The following FKBP9 variants were observed in gnomAD, a reference collection of about 807,000 sequenced individuals.
The protein encoded by FKBP9 is peptidyl-prolyl cis-trans isomerase FKBP9.
FKBP9 carries 27 observed loss-of-function variants against 55.6 expected under a neutral mutation model. That is an observed-to-expected ratio of 0.49 (90% CI 0.36 to 0.67). The LOEUF (loss-of-function observed/expected upper bound fraction) is 0.67, where lower values mean the gene tolerates loss of function less well. FKBP9 is among the 30% of genes least tolerant of loss of function. The probability of loss-of-function intolerance (pLI) is 0.00; values close to 1 mark genes in which losing one functional copy is unlikely to be tolerated. For synonymous variants in FKBP9, 267 were observed against 296.5 expected, an observed-to-expected ratio of 0.90 and a Z score of 1.02; for missense variants, 539 against 742.8, an observed-to-expected ratio of 0.73 and a Z score of 3.19.
chr7:32,967,785 G>A (rs28870806), intron 1 of FKBP9, among the ~76,000 whole-genome samples: 7,104 of 152,050 alleles, frequency 0.047, 395 homozygotes, highest in East Asian at 0.19. Flanking sequence ...ACAGAGTTTC[G>A]CTCTTATTGC....
At chr7:33,001,504 C>T (rs1445791748) in intron 8 of FKBP9, among the ~76,000 whole-genome samples, 1 of 150,814 alleles carries the variant, frequency 6.6e-6, no homozygotes, top group Non-Finnish European at 1.5e-5. Flanking sequence ...CACTGTACTG[C>T]AGCCTGGCGA....
intron 6 of FKBP9, among the ~76,000 whole-genome samples, chr7:32,994,830 C>G (rs1480735436): frequency 6.6e-6 from 1 of 151,920 alleles, no homozygotes; most frequent in Non-Finnish European, 1.5e-5. Flanking sequence ...AGAGACCAAT[C>G]AAGAAGCAGA....
intron 6 of FKBP9, among the ~76,000 whole-genome samples, chr7:32,990,468 A>G (rs1487650879): frequency 6.6e-6 from 1 of 152,184 alleles, no homozygotes; most frequent in Non-Finnish European, 1.5e-5. Flanking sequence ...TTAAGCCAAC[A>G]AGTTTGTGGT....
At chr7:32,978,183 A>G (rs1254599326) in intron 4 of FKBP9, among the ~76,000 whole-genome samples, 1 of 151,724 alleles carries the variant, frequency 6.6e-6, no homozygotes, top group Non-Finnish European at 1.5e-5. Flanking sequence ...CGGCCTCCCA[A>G]AGTGCTGGGA....
chr7:32,972,668 T>C (rs1229704940), intron 1 of FKBP9, among the ~76,000 whole-genome samples: 2 of 152,176 alleles, frequency 1.3e-5, no homozygotes, highest in Non-Finnish European at 2.9e-5. Flanking sequence ...TTCATATGCA[T>C]CTATATATGT....
chr7:32,985,252 T>G (rs1784553633), intron 5 of FKBP9, among the ~76,000 whole-genome samples: 1 of 151,438 alleles, frequency 6.6e-6, no homozygotes, highest in Non-Finnish European at 1.5e-5. Context: ...CTCGGCTCAC[T>G]GCAACCTCTG....
intron 1 of FKBP9, among the ~76,000 whole-genome samples, chr7:32,968,602 C>T (rs1423899102): frequency 6.9e-5 from 10 of 144,768 alleles, no homozygotes; most frequent in African/African-American, 2.6e-4. Flanking sequence ...GACAGAGTTT[C>T]ACTTTTGTCG....
intron 6 of FKBP9, among the ~76,000 whole-genome samples, chr7:32,991,216 A>G (rs1436363388): frequency 1.3e-5 from 2 of 152,260 alleles, no homozygotes; most frequent in East Asian, 3.9e-4. Flanking sequence ...TTGGCTTTCT[A>G]TCAAGTATGA....
rs544841449 is a variant in FKBP9 at position 32,975,477 on chromosome 7, C to T, written c.557+106C>T. ...TGATGGGGATACCAGAATAAGGACT[C>T]TTCTCAACTGTAATCAGTACTGAAC... On this transcript the variant is annotated intron_variant, in intron 3 of 9. Transcript: ENST00000242209. The T allele has an allele frequency of 3.8e-4, 339 of 880,622 alleles. 1 individual carries two copies. In the African/African-American group the frequency reaches 4.7e-3, roughly 12 times the overall value. 54.6% of individuals were successfully genotyped at this position (880,622 alleles called of 1,614,324 possible).
Position 32,965,866 on chromosome 7 carries a change from T to TAC in FKBP9, c.221+8074_221+8075dup, listed in dbSNP as rs1554284359. ...ATATGTGTGTACAGATATATATATA[T>TAC]ACATACATATATATATATAGAGAGA... On this transcript the variant is annotated intron_variant, in intron 1 of 9. Coordinates refer to ENST00000242209, the MANE Select transcript of FKBP9 (RefSeq NM_007270.5). Among the ~76,000 whole-genome samples the TAC allele has an allele frequency of 1.5e-4, 15 of 97,540 alleles. No individual in the cohort carries two copies. In the East Asian group the frequency reaches 1.6e-3, roughly 10 times the overall value. The allele number at this position is 97,540 out of a possible 152,430, so 64.0% of individuals were successfully genotyped here.
At chr7:32,982,267 C>T (rs1302812542) in intron 5 of FKBP9, among the ~76,000 whole-genome samples, 5 of 152,100 alleles carry the variant, frequency 3.3e-5, no homozygotes, top group Admixed American at 2.0e-4. Flanking sequence ...GTGATCCACC[C>T]AACGCAGCCT....
At chr7:33,001,502 T>C (rs1282467108) in intron 8 of FKBP9, among the ~76,000 whole-genome samples, 1 of 151,384 alleles carries the variant, frequency 6.6e-6, no homozygotes, top group Admixed American at 6.6e-5. Context: ...GCCACTGTAC[T>C]GCAGCCTGGC....
rs1745895528 is a variant in FKBP9, at chr7:32,988,502, T to A, written c.894-5T>A. On this transcript the variant is annotated splice_region_variant and splice_polypyrimidine_tract_variant and intron_variant, in intron 5 of 9. Transcript: ENST00000242209. ...GACCTCTTTCTTTCCTTTCTTCTTT[T>A]CTAGCTACTCTCGGAACCGCACGTT... 5 of 1,613,730 alleles carry A rather than the reference T, an allele frequency of 3.1e-6. No individual in the cohort carries two copies. The highest frequency in any genetic ancestry group is 4.2e-6 in the Non-Finnish European group (5 of 1,179,804).
At position 33,006,123 on chromosome 7, in the gene FKBP9, A is replaced by T. The variant is rs540698110; in HGVS notation, c.*772A>T. On this transcript the variant is annotated 3_prime_UTR_variant, in exon 10 of 10. Coordinates refer to ENST00000242209, the MANE Select transcript of FKBP9 (RefSeq NM_007270.5). Reference sequence around the variant, plus strand: ...TTTTTTTTTTTTTTTCTGGAGGCAGAGTCTCCCTTTGTCGCCAGGCTGGAG... The same window carrying T: ...TTTTTTTTTTTTTTTCTGGAGGCAGTGTCTCCCTTTGTCGCCAGGCTGGAG... 15 of 160,700 alleles carry T rather than the reference A, an allele frequency of 9.3e-5. No homozygotes were observed. In the South Asian group the frequency reaches 3.8e-3, roughly 41 times the overall value. 10.0% of individuals were successfully genotyped at this position (160,700 alleles called of 1,614,324 possible).
intron 1 of FKBP9, among the ~76,000 whole-genome samples, chr7:32,971,866 T>A (rs1217214988): frequency 3.3e-5 from 5 of 152,166 alleles, no homozygotes; most frequent in African/African-American, 1.2e-4. Context: ...TGAAGTATTG[T>A]ATGAGGATTA....
At chr7:32,960,505 C>A (rs1267412878) in intron 1 of FKBP9, among the ~76,000 whole-genome samples, 1 of 152,196 alleles carries the variant, frequency 6.6e-6, no homozygotes, top group Non-Finnish European at 1.5e-5. Context: ...CGATGTTGAG[C>A]ATCATATGCG....
rs1276565829 is a variant in FKBP9, at chr7:32,988,509, A to G, written c.896A>G (p.Tyr299Cys). 2 of 1,612,958 alleles carry G rather than the reference A, an allele frequency of 1.2e-6. No individual in the cohort carries two copies. Among genetic ancestry groups the G allele is most frequent in the Non-Finnish European group, 1.7e-6 (2 of 1,179,638 alleles). ...LLDGTLFDSS[Y>C]SRNRTFDTYI... ...TTCTTTCCTTTCTTCTTTTCTAGCT[A>G]CTCTCGGAACCGCACGTTTGACACG... Residue 299 changes from tyrosine to cysteine, a missense_variant and splice_region_variant, in exon 6 of 10, where the codon TAC becomes TGC. Transcript: ENST00000242209.
intron 4 of FKBP9, among the ~76,000 whole-genome samples, chr7:32,976,752 C>T (rs1784370318): frequency 6.6e-6 from 1 of 152,184 alleles, no homozygotes; most frequent in Admixed American, 6.5e-5. Context: ...AGTGCAGATA[C>T]AGACCCAGAT....
chr7:32,969,151 C>G (rs1583844437), intron 1 of FKBP9, among the ~76,000 whole-genome samples: 3 of 152,094 alleles, frequency 2.0e-5, no homozygotes, highest in African/African-American at 4.8e-5. Flanking sequence ...AATCCCTTAT[C>G]ATATATGAGG....
Sources: allele counts gnomAD v4.1 joint callset (sites outside exome capture counted in the v4.1 genomes callset), GRCh38; gene constraint gnomAD v4.1.1; transcripts MANE v1.5; gene names NCBI Gene and HGNC (gene_info 2026-07-23, HGNC 2026-07-21).